Variants in COX7B2 observed in about 807,000 individuals in gnomAD.
COX7B2 encodes the protein cytochrome c oxidase subunit 7B2.
For synonymous variants in COX7B2, 37 were observed against 32.1 expected, an observed-to-expected ratio of 1.15 and a Z score of -0.51; for missense variants, 109 against 95.9, an observed-to-expected ratio of 1.14 and a Z score of -0.57.
chr4:46,738,177 C>T (rs1714480296), intron 2 of COX7B2, among the ~76,000 whole-genome samples: 2 of 152,084 alleles, frequency 1.3e-5, no homozygotes, highest in South Asian at 2.1e-4. Flanking sequence ...TTTGTGATAA[C>T]AGGGATTTCT....
At chr4:46,836,628 A>C (rs1715533277) in intron 2 of COX7B2, among the ~76,000 whole-genome samples, 1 of 152,102 alleles carries the variant, frequency 6.6e-6, no homozygotes, top group African/African-American at 2.4e-5. Context: ...TAAAATAATG[A>C]ATAAAAAACA....
At chr4:46,858,228 G>A (rs1252098455) in intron 1 of COX7B2, among the ~76,000 whole-genome samples, 1 of 152,050 alleles carries the variant, frequency 6.6e-6, no homozygotes, top group Non-Finnish European at 1.5e-5. Context: ...TGAGTAGCTA[G>A]GACTGCAAGT....
intron 2 of COX7B2, among the ~76,000 whole-genome samples, chr4:46,759,503 G>GA (rs1281754917): frequency 2.0e-5 from 3 of 151,574 alleles, no homozygotes; most frequent in African/African-American, 4.8e-5. Context: ...AAATTTACAA[G>GA]AAAAAAACAA....
intron 2 of COX7B2, among the ~76,000 whole-genome samples, chr4:46,831,803 C>T (rs577202653): frequency 3.3e-5 from 5 of 152,128 alleles, no homozygotes; most frequent in Admixed American, 3.3e-4. Flanking sequence ...TTTGTAAATG[C>T]ACCAATCTGC....
chr4:46,770,077 C>T (rs1181583005), intron 2 of COX7B2, among the ~76,000 whole-genome samples: 1 of 152,118 alleles, frequency 6.6e-6, no homozygotes, highest in Non-Finnish European at 1.5e-5. Flanking sequence ...TTGCAGATGA[C>T]ATGATCTTAC....
chr4:46,830,338 AAAAAAG>A (rs1560407708), intron 2 of COX7B2, among the ~76,000 whole-genome samples: 1 of 151,482 alleles, frequency 6.6e-6, no homozygotes, highest in Non-Finnish European at 1.5e-5. Context: ...AAAAAAAAAA[AAAAAAG>A]AAAAAGAAAG....
chr4:46,813,850 A>G (rs1165309115), intron 2 of COX7B2, among the ~76,000 whole-genome samples: 1 of 152,214 alleles, frequency 6.6e-6, no homozygotes, highest in Non-Finnish European at 1.5e-5. Flanking sequence ...TAACAGAAAA[A>G]AAACTAATAA....
chr4:46,836,352 A>G (rs1267353393), intron 2 of COX7B2, among the ~76,000 whole-genome samples: 2 of 151,880 alleles, frequency 1.3e-5, no homozygotes, highest in Non-Finnish European at 2.9e-5. Context: ...CTATTTAAAA[A>G]ATTTTTTTTT....
intron 2 of COX7B2, among the ~76,000 whole-genome samples, chr4:46,829,555 G>A (rs1714926491): frequency 6.6e-6 from 1 of 152,144 alleles, no homozygotes; most frequent in African/African-American, 2.4e-5. Flanking sequence ...CACACATGTA[G>A]CTATAATTAA....
At chr4:46,735,660 T>G (rs552501371) in intron 2 of COX7B2, among the ~76,000 whole-genome samples, 5 of 152,278 alleles carry the variant, frequency 3.3e-5, no homozygotes, top group African/African-American at 1.2e-4. Context: ...CTTCTCCTTC[T>G]TTAACTGTAA....
intron 1 of COX7B2, among the ~76,000 whole-genome samples, chr4:46,892,118 G>C (rs773788072): frequency 3.9e-5 from 6 of 152,098 alleles, no homozygotes; most frequent in Non-Finnish European, 5.9e-5. Flanking sequence ...TTTCTTCCCA[G>C]AGGAGTCATG....
intron 2 of COX7B2, among the ~76,000 whole-genome samples, chr4:46,787,408 T>C (rs1157275694): frequency 1.3e-5 from 2 of 151,666 alleles, no homozygotes; most frequent in African/African-American, 4.8e-5. Context: ...GATCGTGCCA[T>C]TGCACTCCAG....
chr4:46,788,633 C>A (rs963244855), intron 2 of COX7B2, among the ~76,000 whole-genome samples: 1 of 152,098 alleles, frequency 6.6e-6, no homozygotes, highest in African/African-American at 2.4e-5. Flanking sequence ...TACATATTTA[C>A]AGATGTATAT....
At chr4:46,769,469 C>T (rs938181370) in intron 2 of COX7B2, among the ~76,000 whole-genome samples, 1 of 152,132 alleles carries the variant, frequency 6.6e-6, no homozygotes, top group Non-Finnish European at 1.5e-5. Context: ...CGGTGGCTCA[C>T]GCCTGTGATC....
intron 2 of COX7B2, among the ~76,000 whole-genome samples, chr4:46,825,417 T>C (rs967683075): frequency 6.6e-6 from 1 of 152,024 alleles, no homozygotes; most frequent in African/African-American, 2.4e-5. Context: ...CCCATGCTCA[T>C]AGAAGGAAGA....
chr4:46,751,138 T>A (rs987205453), intron 2 of COX7B2, among the ~76,000 whole-genome samples: 19 of 152,022 alleles, frequency 1.2e-4, no homozygotes, highest in South Asian at 4.1e-4. Flanking sequence ...CCCAAAGATT[T>A]TTTTTTTAGT....
chr4:46,844,395 TA>T (rs1291030668), intron 2 of COX7B2, among the ~76,000 whole-genome samples: 3 of 151,918 alleles, frequency 2.0e-5, no homozygotes, highest in South Asian at 2.1e-4. Context: ...TCTAGATGGT[TA>T]CACACCATAC....
chr4:46,868,622 A>G (rs2109817618), intron 1 of COX7B2, among the ~76,000 whole-genome samples: 1 of 152,264 alleles, frequency 6.6e-6, no homozygotes, highest in South Asian at 2.1e-4. Flanking sequence ...TGATTTCAAT[A>G]TTTATCTAAA....
chr4:46,833,150 C>T (rs1001705810), intron 2 of COX7B2, among the ~76,000 whole-genome samples: 51 of 152,166 alleles, frequency 3.4e-4, no homozygotes, highest in Admixed American at 1.9e-3. Context: ...GGTGATCCAC[C>T]CACCTCGGCC....
Sources: allele counts gnomAD v4.1 joint callset (sites outside exome capture counted in the v4.1 genomes callset), GRCh38; gene constraint gnomAD v4.1.1; transcripts MANE v1.5; gene names NCBI Gene and HGNC (gene_info 2026-07-23, HGNC 2026-07-21).